DENND2B: variants seen among roughly 807,000 people sequenced by gnomAD.
The protein encoded by DENND2B is DENN domain containing 2B, also known as DENN domain-containing protein 2B.
DENND2B carries 32 observed loss-of-function variants against 116.0 expected under a neutral mutation model. That is an observed-to-expected ratio of 0.28 (90% CI 0.21 to 0.37). The LOEUF (loss-of-function observed/expected upper bound fraction) is 0.37. Among genes scored for constraint, DENND2B ranks in the 10% least tolerant of loss-of-function variants. The pLI, the probability that DENND2B is intolerant of heterozygous loss-of-function variation, is 1.00. For missense variants in DENND2B, 1,276 were observed against 1,477.7 expected (o/e 0.86, Z 2.24); for synonymous variants, 588 against 583.9 (o/e 1.01, Z -0.10).
At chr11:8,890,703 A>C (rs1372672323) in intron 1 of DENND2B, among the ~76,000 whole-genome samples, 2 of 152,202 alleles carry the variant, frequency 1.3e-5, no homozygotes, top group Non-Finnish European at 2.9e-5. Flanking sequence ...AAAGAGTAAA[A>C]AGAAATGAAC....
At chr11:8,876,964 T>C (rs575787739) in intron 2 of DENND2B, among the ~76,000 whole-genome samples, 1 of 139,490 alleles carries the variant, frequency 7.2e-6, no homozygotes, top group South Asian at 2.3e-4. Context: ...GATCTGAGAG[T>C]AAATGAGAGG....
At chr11:8,710,802 T>G in intron 11 of DENND2B, 43 bp downstream of exon 11, 1 of 1,496,000 alleles carries the variant, frequency 6.7e-7, no homozygotes, top group Non-Finnish European at 9.2e-7. Context: ...CACCCTGGCC[T>G]ATCCCCTGCC....
At chr11:8,752,368 C>T (rs1360693662) in intron 1 of DENND2B, among the ~76,000 whole-genome samples, 1 of 151,840 alleles carries the variant, frequency 6.6e-6, no homozygotes, top group East Asian at 1.9e-4. Context: ...AGGAGAATTG[C>T]TTGAACCTGG....
At chr11:8,766,784 GT>G in intron 1 of DENND2B, 2 of 836,492 alleles carry the variant, frequency 2.4e-6, no homozygotes, top group South Asian at 2.9e-5. Flanking sequence ...GTCATTTTAG[GT>G]GGGGGTGCTG....
At position 8,746,248 on chromosome 11, in the gene DENND2B, T is replaced by C. The variant is rs1368178165; in HGVS notation, c.80+4373A>G. Among the ~76,000 whole-genome samples, 2 of 152,222 alleles carry C rather than the reference T, an allele frequency of 1.3e-5. 1 individual carries two copies. Among genetic ancestry groups the C allele is most frequent in the Middle Eastern group, 6.3e-3 (2 of 316 alleles). The stretch of plus-strand genomic sequence containing the variant: ...AAGGCACAGGGTCCAAATCTGTGCC[T>C]ACATTGGCCATGGAACCTCAAGACA... On this transcript the variant is annotated intron_variant, in intron 2 of 19. Coordinates refer to ENST00000313726, the MANE Select transcript of DENND2B (RefSeq NM_213618.2).
chr11:8,718,300 T>C, intron 4 of DENND2B: 1 of 1,446,884 alleles, frequency 6.9e-7, no homozygotes, highest in Non-Finnish European at 9.4e-7. Context: ...TAGGAAGGGT[T>C]TTCAGGTCAC....
At position 8,711,130 on chromosome 11, in the gene DENND2B, C is replaced by G. The variant is rs773346278; in HGVS notation, c.2274G>C (p.Glu758Asp). Residue 758 changes from glutamate (E) to aspartate (D), a missense_variant, in exon 10 of 20, where the codon GAG becomes GAC. Physicochemically the swap from Glu to Asp is conservative, Grantham distance 45. Around this residue, in one of 2 missense-constraint regions of DENND2B, gnomAD observed 420 missense variants for 631.1 expected, o/e 0.67. Coordinates refer to ENST00000313726, the MANE Select transcript of DENND2B (RefSeq NM_213618.2). Reference protein sequence around the residue: ...PDAKDWLPVSEYSSETFSFML... With the variant: ...PDAKDWLPVSDYSSETFSFML... The stretch of plus-strand genomic sequence containing the variant: ...GCCAGGCCAGGCCTCACCTGCTATA[C>G]TCTGACACAGGAAGCCAGTCCTTGG... The G allele has an allele frequency of 1.9e-6, 3 of 1,614,144 alleles. No individual in the cohort carries two copies. Among genetic ancestry groups the G allele is most frequent in the Non-Finnish European group, 2.5e-6 (3 of 1,180,002 alleles).
intron 1 of DENND2B, among the ~76,000 whole-genome samples, chr11:8,790,718 G>A (rs974346309): frequency 6.6e-6 from 1 of 152,206 alleles, no homozygotes; most frequent in African/African-American, 2.4e-5. Context: ...GCAGTGAGGT[G>A]TGATAGCATC....
chr11:8,708,680 G>A (rs536315090), intron 11 of DENND2B, among the ~76,000 whole-genome samples: 12 of 152,166 alleles, frequency 7.9e-5, no homozygotes, highest in Non-Finnish European at 1.5e-4. Context: ...GGCCAGGCGC[G>A]GTGGCTCACG....
At chr11:8,907,462 T>C (rs2064253058) in intron 1 of DENND2B, among the ~76,000 whole-genome samples, 2 of 152,230 alleles carry the variant, frequency 1.3e-5, no homozygotes, top group South Asian at 4.1e-4. Context: ...ACAGGATGAA[T>C]CTTTAAAATT....
intron 6 of DENND2B, among the ~76,000 whole-genome samples, chr11:8,715,185 C>T (rs543815707): frequency 1.3e-5 from 2 of 152,292 alleles, no homozygotes; most frequent in East Asian, 3.9e-4. Context: ...AATCCTGCTG[C>T]GTTGGGCTGG....
intron 1 of DENND2B, among the ~76,000 whole-genome samples, chr11:8,805,033 C>CA (rs2060720180): frequency 6.6e-6 from 1 of 152,176 alleles, no homozygotes; most frequent in Admixed American, 6.5e-5. Flanking sequence ...ATCCTTACCA[C>CA]AACTCTATCA....
Position 8,754,867 on chromosome 11 carries a change from G to T in DENND2B, c.-25-4142C>A, listed in dbSNP as rs186108886. On this transcript the variant is annotated intron_variant, in intron 1 of 19. Coordinates refer to ENST00000313726, the MANE Select transcript of DENND2B (RefSeq NM_213618.2). ...CTAGGAGCTGCCTAGCACTGGTTGA[G>T]GGTGGCAGAATGGGACATGGCTGAT... 2.2e-3 allele frequency among the ~76,000 whole-genome samples: 339 copies of T among 152,348 alleles called. 2 individuals carry two copies. Among genetic ancestry groups the T allele is most frequent in the African/African-American group, 8.0e-3 (331 of 41,582 alleles).
chr11:8,822,211 T>C (rs1391054966), intron 4 of DENND2B, among the ~76,000 whole-genome samples: 1 of 152,222 alleles, frequency 6.6e-6, no homozygotes, highest in Non-Finnish European at 1.5e-5. Flanking sequence ...CCAACTTTAC[T>C]GAGTTATGAT....
chr11:8,843,360 A>T (rs750787786), intron 3 of DENND2B, among the ~76,000 whole-genome samples: 28 of 152,254 alleles, frequency 1.8e-4, no homozygotes, highest in Non-Finnish European at 3.7e-4. Flanking sequence ...CATGTGGCCA[A>T]TGTGGAACCT....
chr11:8,741,009 G>A (rs903615786), intron 2 of DENND2B, among the ~76,000 whole-genome samples: 3 of 152,186 alleles, frequency 2.0e-5, no homozygotes, highest in African/African-American at 7.2e-5. Flanking sequence ...AAAGTCCTGA[G>A]AAAAAGCCAA....
chr11:8,720,094 A>C (rs2045891633), intron 4 of DENND2B, among the ~76,000 whole-genome samples: 1 of 152,170 alleles, frequency 6.6e-6, no homozygotes, highest in Non-Finnish European at 1.5e-5. Flanking sequence ...TGGGACGGAC[A>C]GAGGGAAGGA....
At position 8,730,756 on chromosome 11, in the gene DENND2B, C is replaced by A; in HGVS notation, c.534G>T (p.Ser178=). The change falls in exon 3 of 20, where the codon TCG becomes TCT. Residue 178 remains serine, a synonymous_variant. Transcript: ENST00000313726. This position sits in a 1 kb window ranked among gnomAD's most constrained non-coding sequence, Gnocchi z 4.1. ...TCTCTCCACACATGCTCATCCTGGGCGACGCCTCTCGGCGACCTTCCCATG... is the reference window on the plus strand; with the variant it reads ...TCTCTCCACACATGCTCATCCTGGGAGACGCCTCTCGGCGACCTTCCCATG... ...ISAWEGRREA[S]PRMSMCGEKR... The A allele has an allele frequency of 6.2e-7, 1 of 1,612,574 alleles. No homozygotes were observed. The highest frequency in any genetic ancestry group is 2.2e-5 in the East Asian group (1 of 44,874).
At chr11:8,870,278 G>A (rs1438646373) in intron 2 of DENND2B, among the ~76,000 whole-genome samples, 3 of 152,148 alleles carry the variant, frequency 2.0e-5, no homozygotes, top group Non-Finnish European at 4.4e-5. Flanking sequence ...GCCCTCTTTA[G>A]AAACACTTGA....
Sources: allele counts gnomAD v4.1 joint callset (sites outside exome capture counted in the v4.1 genomes callset), GRCh38; gene constraint gnomAD v4.1.1; regional missense constraint gnomAD v4.1.1; non-coding constraint Gnocchi (gnomAD v3.1); transcripts MANE v1.5; gene names NCBI Gene and HGNC (gene_info 2026-07-23, HGNC 2026-07-21).